Variants in SACS observed in about 807,000 individuals in gnomAD.
SACS encodes the protein sacsin molecular chaperone.
In SACS, 197 loss-of-function variants were observed where a neutral mutation model predicts 348.0. The observed-to-expected ratio is 0.57, with a 90% CI of 0.50 to 0.64. The LOEUF (loss-of-function observed/expected upper bound fraction) is 0.64. Among genes scored for constraint, SACS ranks in the 30% least tolerant of loss-of-function variants. The probability of loss-of-function intolerance (pLI) is 0.00; values close to 1 mark genes in which losing one functional copy is unlikely to be tolerated. For synonymous variants in SACS, 1,985 were observed against 1,910.6 expected (o/e 1.04, Z -1.02); for missense variants, 4,999 against 5,360.8 (o/e 0.93, Z 2.11).
intron 6 of SACS, among the ~76,000 whole-genome samples, chr13:23,359,184 A>G (rs993476648): frequency 2.0e-5 from 3 of 152,218 alleles, no homozygotes. Context: ...TCCGTCTCAA[A>G]AAAAAAGAAA....
chr13:23,377,750 G>A (rs1427811469), intron 2 of SACS, among the ~76,000 whole-genome samples: 1 of 152,154 alleles, frequency 6.6e-6, no homozygotes, highest in Non-Finnish European at 1.5e-5. Flanking sequence ...AGGCATTAGT[G>A]CTGCGAGACT....
At chr13:23,403,029 T>A (rs557028944) in intron 2 of SACS, among the ~76,000 whole-genome samples, 1 of 151,634 alleles carries the variant, frequency 6.6e-6, no homozygotes, top group Admixed American at 6.6e-5. Flanking sequence ...ACAAAAAAAA[T>A]TAGCTGGGCG....
Position 23,337,636 on chromosome 13 carries a change from A to G in SACS, c.6240T>C (p.Val2080=), listed in dbSNP as rs550680855. 100 of 1,613,854 alleles carry G rather than the reference A, an allele frequency of 6.2e-5. No individual in the cohort carries two copies. The South Asian group carries it at 8.1e-4, about 13-fold the overall frequency. The stretch of plus-strand genomic sequence containing the variant: ...AGAACTCATCAACTTTTTCATTTAG[A>G]ACAAAGATCATTAAAGGATCTCTAA... ...AELRDPLMIF[V]LNEKVDEFSG... The change falls in exon 10 of 10, where the codon GTT becomes GTC. Residue 2080 remains valine (V), a synonymous_variant. Coordinates refer to ENST00000382292, the MANE Select transcript of SACS (RefSeq NM_014363.6).
intron 1 of SACS, among the ~76,000 whole-genome samples, chr13:23,412,261 C>CA (rs577984168): frequency 9.9e-5 from 15 of 151,730 alleles, no homozygotes; most frequent in African/African-American, 2.9e-4. Context: ...GATTCTGTCT[C>CA]AAAAAAAATA....
intron 2 of SACS, among the ~76,000 whole-genome samples, chr13:23,393,830 G>A (rs540638185): frequency 1.3e-5 from 2 of 151,926 alleles, no homozygotes; most frequent in East Asian, 3.9e-4. Context: ...GCACGATCTC[G>A]GCTCACTGCA....
At position 23,368,504 on chromosome 13, in the gene SACS, ATT is replaced by A. The variant is rs1871193474; in HGVS notation, c.260-19_260-18del. 1.9e-6 allele frequency: 3 copies of A among 1,592,620 alleles called. No individual in the cohort carries two copies. The African/African-American group carries it at 4.0e-5, about 21-fold the overall frequency. ...CAAATCGACCTAAAATACGGAGCAC[ATT>A]TTAAGTGAGTTAGAAAAAAAATCCC... On this transcript the variant is annotated intron_variant, in intron 4 of 9. Coordinates refer to ENST00000382292, the MANE Select transcript of SACS (RefSeq NM_014363.6).
At chr13:23,397,558 T>C (rs1015069063) in intron 2 of SACS, among the ~76,000 whole-genome samples, 1 of 152,198 alleles carries the variant, frequency 6.6e-6, no homozygotes, top group Non-Finnish European at 1.5e-5. Context: ...TTTTGAGTAA[T>C]CCACCTAGGA....
chr13:23,359,818 G>GTA (rs1477504431), intron 6 of SACS, among the ~76,000 whole-genome samples: 14 of 152,162 alleles, frequency 9.2e-5, no homozygotes, highest in African/African-American at 3.4e-4. Flanking sequence ...TCCACATGAG[G>GTA]TATATAGGGC....
At chr13:23,405,700 A>G (rs1018446942) in intron 2 of SACS, among the ~76,000 whole-genome samples, 3 of 149,454 alleles carry the variant, frequency 2.0e-5, no homozygotes, top group African/African-American at 7.6e-5. Context: ...TCTACAAGGA[A>G]AAAAAAAACC....
intron 9 of SACS, chr13:23,346,875 A>G (rs1171605740): frequency 1.1e-6 from 1 of 922,128 alleles, no homozygotes; most frequent in Non-Finnish European, 1.3e-6. Context: ...AAGAGGTCAG[A>G]ATTGTCAGTT....
rs1868810817 is a variant in SACS, at chr13:23,337,953, G to A, written c.5923C>T (p.Leu1975=). The part of the protein sequence containing the change: ...EDIAHGKGKE[L]TKVFSDGSTW... ...GATCCATCAGAGAAGACTTTGGTCA[G>A]TTCTTTCCCTTTTCCATGAGCTATA... The change falls in exon 10 of 10, where the codon CTG becomes TTG. Residue 1975 remains leucine, a synonymous_variant. Transcript: ENST00000382292. 6.2e-7 allele frequency: 1 copy of A among 1,614,062 alleles called. No homozygotes were observed. The highest frequency in any genetic ancestry group is 1.3e-5 in the African/African-American group (1 of 75,042).
chr13:23,406,127 A>G (rs1441167584), intron 2 of SACS, among the ~76,000 whole-genome samples: 3 of 152,248 alleles, frequency 2.0e-5, no homozygotes, highest in African/African-American at 7.2e-5. Flanking sequence ...ATTGGAACCA[A>G]TCCAAATGCC....
At position 23,358,472 on chromosome 13, in the gene SACS, A is replaced by G; in HGVS notation, c.467T>C (p.Leu156Pro). The G allele has an allele frequency of 6.2e-7, 1 of 1,614,156 alleles. No individual in the cohort carries two copies. The highest frequency in any genetic ancestry group is 8.5e-7 in the Non-Finnish European group (1 of 1,180,022). Residue 156 changes from leucine to proline, a missense_variant, in exon 7 of 10, where the codon CTC becomes CCC. This residue lies in a region of SACS where 3,156 missense variants were observed against 3,380.1 expected (regional missense o/e 0.93). Transcript: ENST00000382292. ...GAAAACCGCGTTGTTGTACACATAG[A>G]GAGCTGGCCCTAGGTGTGAAAATGC... is the stretch of plus-strand genomic sequence containing the variant. The part of the protein sequence containing the change: ...KDMAPYQGPA[L>P]YVYNNAVFTP...
intron 2 of SACS, among the ~76,000 whole-genome samples, chr13:23,401,508 T>C (rs1460721425): frequency 1.3e-5 from 2 of 152,214 alleles, no homozygotes; most frequent in African/African-American, 4.8e-5. Context: ...ACCTCTGCCG[T>C]GACCACCTTG....
intron 1 of SACS, among the ~76,000 whole-genome samples, chr13:23,423,399 G>GTATGAATATACAACTATCTATCAC (rs1181489841): frequency 6.6e-6 from 1 of 151,884 alleles, no homozygotes; most frequent in African/African-American, 2.4e-5. Context: ...TTAGGCCTAT[G>GTATGAATATACAACTATCTATCAC]TATGAATATA....
intron 2 of SACS, among the ~76,000 whole-genome samples, chr13:23,404,625 G>A (rs1873124183): frequency 6.6e-6 from 1 of 152,150 alleles, no homozygotes; most frequent in Non-Finnish European, 1.5e-5. Context: ...AAGATAGGAA[G>A]TCAAACTGTC....
intron 2 of SACS, among the ~76,000 whole-genome samples, chr13:23,401,743 A>G (rs1296628271): frequency 6.6e-6 from 1 of 152,224 alleles, no homozygotes; most frequent in Non-Finnish European, 1.5e-5. Context: ...CTTTTCCAGA[A>G]GCATCTGCAA....
chr13:23,337,521 G>A lies in SACS; in HGVS notation c.6355C>T (p.Arg2119Ter), dbSNP rs766711286. 7 of 1,613,816 alleles carry A rather than the reference G, an allele frequency of 4.3e-6. No homozygotes were observed. Among genetic ancestry groups the A allele is most frequent in the East Asian group, 2.2e-5 (1 of 44,846 alleles). Residue 2119 changes from arginine (R) to a stop codon, truncating the protein, a stop_gained, in exon 10 of 10, where the codon CGA becomes TGA. Transcript: ENST00000382292. LOFTEE classifies it high-confidence loss of function. ...TTAATATCAAATAACTTTGCAACTC[G>A]TCCTTCGGGGTGGATCAATCTTGAT... Reference protein sequence around the residue: ...LPSRLIHPEGRVAKLFDIKDG... With the variant: ...LPSRLIHPEG
chr13:23,368,555 T>C, intron 4 of SACS, 68 bp from the exon 5 acceptor site: 1 of 1,097,288 alleles, frequency 9.1e-7, no homozygotes, highest in Non-Finnish European at 1.4e-6. Context: ...AATGTGTGAC[T>C]TGAATCTGAG....
Sources: allele counts gnomAD v4.1 joint callset (sites outside exome capture counted in the v4.1 genomes callset), GRCh38; gene constraint gnomAD v4.1.1; regional missense constraint gnomAD v4.1.1; transcripts MANE v1.5; gene names NCBI Gene and HGNC (gene_info 2026-07-23, HGNC 2026-07-21).